ADGRG7: variants seen among roughly 807,000 people sequenced by gnomAD.
The protein encoded by ADGRG7 is G-protein coupled receptor 128.
ADGRG7 carries 82 observed loss-of-function variants against 88.6 expected under a neutral mutation model. The ratio of observed to expected loss-of-function variants is 0.93; its 90% confidence interval spans 0.77 to 1.11. The LOEUF is 1.11. Ranked by LOEUF, ADGRG7 falls within the 50% of genes most tolerant of loss-of-function variation. The pLI is 0.00. For synonymous variants in ADGRG7, 381 were observed against 345.2 expected (o/e 1.10, Z -1.15); for missense variants, 945 against 953.4 (o/e 0.99, Z 0.12).
chr3:100,618,273 C>T (rs146439321), intron 1 of ADGRG7, among the ~76,000 whole-genome samples: 4 of 151,962 alleles, frequency 2.6e-5, no homozygotes, highest in Non-Finnish European at 4.4e-5. Context: ...TTGGTGTTTT[C>T]GACATGAAGT....
intron 15 of ADGRG7, among the ~76,000 whole-genome samples, chr3:100,675,508 G>A (rs1218493124): frequency 3.3e-5 from 5 of 152,124 alleles, no homozygotes; most frequent in Admixed American, 3.3e-4. Context: ...GAATTTTGTT[G>A]AGGATTTTTG....
intron 13 of ADGRG7, among the ~76,000 whole-genome samples, chr3:100,656,820 C>T (rs2094938379): frequency 6.6e-6 from 1 of 152,172 alleles, no homozygotes; most frequent in Non-Finnish European, 1.5e-5. Flanking sequence ...TGATCATGCC[C>T]AACTGTAGGC....
intron 6 of ADGRG7, among the ~76,000 whole-genome samples, chr3:100,638,663 C>G (rs918208799): frequency 2.0e-5 from 3 of 152,116 alleles, no homozygotes; most frequent in Admixed American, 2.0e-4. Context: ...GGGATCCACC[C>G]TTGTCTGCTT....
chr3:100,631,237 A>G (rs1485490201), intron 3 of ADGRG7, among the ~76,000 whole-genome samples: 1 of 152,070 alleles, frequency 6.6e-6, no homozygotes, highest in Non-Finnish European at 1.5e-5. Context: ...GTAGTCCTTC[A>G]CCTTTTTGGT....
At chr3:100,687,899 G>C (rs1459585937) in intron 15 of ADGRG7, among the ~76,000 whole-genome samples, 2 of 152,180 alleles carry the variant, frequency 1.3e-5, no homozygotes, top group Admixed American at 6.5e-5. Flanking sequence ...CATAAAATGA[G>C]TTAGGGAGGA....
At position 100,646,068 on chromosome 3, in the gene ADGRG7, A is replaced by G; in HGVS notation, c.1070A>G (p.Gln357Arg). The change falls in exon 9 of 16, where the codon CAA becomes CGA. Residue 357 changes from glutamine to arginine, a missense_variant. Coordinates refer to ENST00000273352, the MANE Select transcript of ADGRG7 (RefSeq NM_032787.3). ...IISSKTDENE[Q>R]DQSASVDMVF... is the part of the protein sequence containing the mutation. Reference sequence around the variant, plus strand: ...TCAAGCAAAACTGATGAAAATGAGCAAGATCAGAGTGCTTCTGTTGACATG... The same window carrying G: ...TCAAGCAAAACTGATGAAAATGAGCGAGATCAGAGTGCTTCTGTTGACATG... 2 of 1,614,088 alleles carry G rather than the reference A, an allele frequency of 1.2e-6. No homozygotes were observed. Among genetic ancestry groups the G allele is most frequent in the Non-Finnish European group, 1.7e-6 (2 of 1,179,994 alleles).
chr3:100,610,042 C>A, intron 1 of ADGRG7, 71 bp downstream of exon 1: 1 of 1,243,276 alleles, frequency 8.0e-7, no homozygotes, highest in Non-Finnish European at 1.2e-6. Context: ...CCACCTGGTG[C>A]ACAAGTACTG....
At chr3:100,642,556 A>G (rs1576321448) in intron 6 of ADGRG7, among the ~76,000 whole-genome samples, 1 of 152,200 alleles carries the variant, frequency 6.6e-6, no homozygotes, top group East Asian at 1.9e-4. Flanking sequence ...TTACATACAG[A>G]GGTTTTGTTT....
intron 15 of ADGRG7, among the ~76,000 whole-genome samples, chr3:100,692,154 T>G (rs1197704760): frequency 1.3e-5 from 2 of 152,192 alleles, no homozygotes; most frequent in East Asian, 3.8e-4. Context: ...TAATGCAGTG[T>G]GGGGAGCTGC....
chr3:100,683,066 CG>C (rs1230038712), intron 15 of ADGRG7, among the ~76,000 whole-genome samples: 2 of 152,072 alleles, frequency 1.3e-5, no homozygotes, highest in Non-Finnish European at 2.9e-5. Flanking sequence ...GAGTGCTCAT[CG>C]GAACACCCTG....
At chr3:100,679,350 T>C (rs558892502) in intron 15 of ADGRG7, among the ~76,000 whole-genome samples, 1 of 152,330 alleles carries the variant, frequency 6.6e-6, no homozygotes, top group African/African-American at 2.4e-5. Context: ...CAAGGCAGTG[T>C]ACTCTCCTCA....
chr3:100,626,062 T>A (rs752926029), intron 1 of ADGRG7, among the ~76,000 whole-genome samples: 4 of 152,188 alleles, frequency 2.6e-5, no homozygotes, highest in African/African-American at 9.7e-5. Context: ...TTCAATTGTT[T>A]GGAATAGTTT....
chr3:100,659,439 CAAAAA>C (rs373835556), intron 13 of ADGRG7, among the ~76,000 whole-genome samples: 5 of 80,906 alleles, frequency 6.2e-5, no homozygotes, highest in Non-Finnish European at 8.1e-5. Flanking sequence ...GACTCAGTCT[CAAAAA>C]AAAAAAAAAA....
chr3:100,666,420 A>G (rs1455471298), intron 14 of ADGRG7, among the ~76,000 whole-genome samples: 1 of 152,228 alleles, frequency 6.6e-6, no homozygotes, highest in African/African-American at 2.4e-5. Flanking sequence ...TCTTTGCATC[A>G]TAGACAAGGT....
intron 14 of ADGRG7, among the ~76,000 whole-genome samples, chr3:100,663,268 G>C (rs1576330645): frequency 6.6e-6 from 1 of 152,198 alleles, no homozygotes; most frequent in East Asian, 1.9e-4. Context: ...TGCAGCACTA[G>C]TTTCTCTTAT....
At chr3:100,662,564 T>A (rs1337135887) in intron 14 of ADGRG7, among the ~76,000 whole-genome samples, 2 of 152,170 alleles carry the variant, frequency 1.3e-5, no homozygotes, top group African/African-American at 2.4e-5. Context: ...GAAGTTTTCT[T>A]CATATGTGTT....
intron 1 of ADGRG7, among the ~76,000 whole-genome samples, chr3:100,624,597 T>A (rs1390494080): frequency 6.6e-6 from 1 of 152,224 alleles, no homozygotes; most frequent in African/African-American, 2.4e-5. Flanking sequence ...GTTTTCATCA[T>A]GAAGTCTTTG....
In ADGRG7 at chr3:100,631,154, G is replaced by GATACAAAA. The variant is rs1416377284; in HGVS notation, c.334+345_334+346insATACAAAA. Among the ~76,000 whole-genome samples the GATACAAAA allele has an allele frequency of 2.0e-5, 3 of 151,984 alleles. 1 individual carries two copies. The highest frequency in any genetic ancestry group is 2.9e-5 in the Non-Finnish European group (2 of 67,974). ...AAAAGTTCTAATCAGCCAAAATTAT[G>GATACAAAA]GACTTGTATCATATCTATTTTCAGA... On this transcript the variant is annotated intron_variant, in intron 3 of 15. Transcript: ENST00000273352.
At position 100,671,333 on chromosome 3, in the gene ADGRG7, G is replaced by C. The variant is rs370358282; in HGVS notation, c.2136+2228G>C. Among the ~76,000 whole-genome samples the C allele has an allele frequency of 7.9e-5, 12 of 152,204 alleles. No homozygotes were observed. The East Asian group carries it at 1.4e-3, about 17-fold the overall frequency. ...TGAGCTTTTTTTAAATATGTTTGTT[G>C]GGTTCATAAATGTCTTCCTTTGAGA... On this transcript the variant is annotated intron_variant, in intron 15 of 15. Coordinates refer to ENST00000273352, the MANE Select transcript of ADGRG7 (RefSeq NM_032787.3).
Sources: gnomAD v4.1 joint callset for allele counts (sites outside exome capture counted in the v4.1 genomes callset) on GRCh38, gnomAD v4.1.1 for gene constraint, MANE v1.5 for transcripts, NCBI Gene and HGNC (gene_info 2026-07-23, HGNC 2026-07-21) for gene names.